BORCS5: variants seen among roughly 807,000 people sequenced by gnomAD.
BORCS5 encodes BLOC-1-related complex subunit 5.
BORCS5 carries 17 observed loss-of-function variants against 22.1 expected under a neutral mutation model. The ratio of observed to expected loss-of-function variants is 0.77; its 90% CI spans 0.53 to 1.15. The LOEUF (loss-of-function observed/expected upper bound fraction) is 1.15, where lower values mean the gene tolerates loss of function less well. BORCS5 is among the 50% of genes most tolerant of loss of function. The pLI is 0.00. For synonymous variants in BORCS5, 117 were observed against 99.8 expected (o/e 1.17, Z -1.03); for missense variants, 247 against 253.2 (o/e 0.98, Z 0.17).
intron 2 of BORCS5, among the ~76,000 whole-genome samples, chr12:12,393,677 GC>G: frequency 7.9e-6 from 1 of 126,780 alleles, no homozygotes; most frequent in African/African-American, 3.1e-5. Context: ...ACACCACCAT[GC>G]CTGCCTAAAT....
chr12:12,415,440 C>A (rs375375555), intron 2 of BORCS5, among the ~76,000 whole-genome samples: 2 of 150,660 alleles, frequency 1.3e-5, no homozygotes, highest in East Asian at 3.9e-4. Flanking sequence ...ATCGCAGGCA[C>A]TCGGCAGGCT....
intron 3 of BORCS5, among the ~76,000 whole-genome samples, chr12:12,440,564 T>A: frequency 6.6e-6 from 1 of 150,700 alleles, no homozygotes; most frequent in African/African-American, 2.5e-5. Context: ...GAGTTAAAGA[T>A]TGGGATATCC....
chr12:12,414,675 C>T (rs1941870909), intron 2 of BORCS5, among the ~76,000 whole-genome samples: 4 of 88,540 alleles, frequency 4.5e-5, no homozygotes, highest in Admixed American at 4.0e-4. Context: ...GGGCGGCTGG[C>T]CGGGCGGGGG....
At position 12,465,944 on chromosome 12, in the gene BORCS5, T is replaced by C; in HGVS notation, c.*168T>C. Reference sequence around the variant, plus strand: ...GAAAATCTGACTTTGCCCAGCTCTTTTCCTTGATGCAGTTTCCCGGTGTGG... The same window carrying C: ...GAAAATCTGACTTTGCCCAGCTCTTCTCCTTGATGCAGTTTCCCGGTGTGG... On this transcript the variant is annotated 3_prime_UTR_variant, in exon 4 of 4. Coordinates refer to ENST00000314565, the MANE Select transcript of BORCS5 (RefSeq NM_058169.6). 1.7e-6 allele frequency: 1 copy of C among 599,052 alleles called. No homozygotes were observed. The highest frequency in any genetic ancestry group is 2.9e-6 in the Non-Finnish European group (1 of 339,942). The allele number at this position is 599,052 out of a possible 1,614,324, so 37.1% of individuals were successfully genotyped here.
chr12:12,425,941 G>A (rs972086587), intron 2 of BORCS5, among the ~76,000 whole-genome samples: 4 of 152,252 alleles, frequency 2.6e-5, no homozygotes, highest in South Asian at 2.1e-4. Context: ...AAATTAACAC[G>A]AATTGTGTGC....
At chr12:12,450,927 A>T (rs968605792) in intron 3 of BORCS5, among the ~76,000 whole-genome samples, 1 of 152,256 alleles carries the variant, frequency 6.6e-6, no homozygotes, top group African/African-American at 2.4e-5. Context: ...ACTGTTATAC[A>T]TTATTTTATT....
intron 3 of BORCS5, among the ~76,000 whole-genome samples, chr12:12,444,863 C>T (rs1942752611): frequency 6.6e-6 from 1 of 152,186 alleles, no homozygotes; most frequent in Admixed American, 6.5e-5. Context: ...ATTTTGGCTT[C>T]CCAGCCACAT....
At chr12:12,418,273 C>T (rs752777113) in intron 2 of BORCS5, among the ~76,000 whole-genome samples, 23 of 150,884 alleles carry the variant, frequency 1.5e-4, no homozygotes, top group Non-Finnish European at 2.7e-4. Flanking sequence ...CTCCTGACCT[C>T]GTGATCTGCC....
chr12:12,395,901 T>C (rs1405533532), intron 2 of BORCS5, among the ~76,000 whole-genome samples: 1 of 151,932 alleles, frequency 6.6e-6, no homozygotes, highest in African/African-American at 2.4e-5. Flanking sequence ...GCAAATTGGG[T>C]GCCAGGAATA....
Position 12,357,450 on chromosome 12 carries a change from C to T in BORCS5, c.-2C>T, listed in dbSNP as rs972596795. 6.2e-7 allele frequency: 1 copy of T among 1,609,114 alleles called. No homozygotes were observed. The highest frequency in any genetic ancestry group is 1.3e-5 in the African/African-American group (1 of 74,776). ...TCTTCTGCTGCCACCGCTGTCGGCA[C>T]CATGGGCAGTGAGCAGAGCTCCGAG... On this transcript the variant is annotated 5_prime_UTR_variant, in exon 1 of 4. Coordinates refer to ENST00000314565, the MANE Select transcript of BORCS5 (RefSeq NM_058169.6).
chr12:12,373,080 AT>A (rs1293291926), intron 2 of BORCS5, among the ~76,000 whole-genome samples: 1 of 152,154 alleles, frequency 6.6e-6, no homozygotes, highest in Non-Finnish European at 1.5e-5. Context: ...TTGGGAAGTG[AT>A]TTGATCATGA....
chr12:12,401,725 T>C (rs961620051), intron 2 of BORCS5, among the ~76,000 whole-genome samples: 4 of 152,088 alleles, frequency 2.6e-5, no homozygotes, highest in Non-Finnish European at 2.9e-5. Context: ...TACTTAAAAT[T>C]CTATTGTGGC....
intron 2 of BORCS5, among the ~76,000 whole-genome samples, chr12:12,396,073 C>T (rs1050154864): frequency 3.9e-5 from 6 of 152,112 alleles, no homozygotes; most frequent in South Asian, 2.1e-4. Context: ...CGGCTCACTC[C>T]GCCCCCTGGG....
Position 12,412,139 on chromosome 12 carries a change from C to G in BORCS5, c.203-23489C>G, listed in dbSNP as rs1302876967. Among the ~76,000 whole-genome samples, 4 of 152,090 alleles carry G rather than the reference C, an allele frequency of 2.6e-5. No individual in the cohort carries two copies. The East Asian group carries it at 7.7e-4, about 29-fold the overall frequency. The stretch of plus-strand genomic sequence containing the variant: ...ATTCCATATGAATTTTTGGATGGAT[C>G]TTTCTATTTCTGAAAAAAAGTCACT... On this transcript the variant is annotated intron_variant, in intron 2 of 3. Transcript: ENST00000314565.
chr12:12,449,974 T>G (rs1479496317), intron 3 of BORCS5, among the ~76,000 whole-genome samples: 2 of 152,240 alleles, frequency 1.3e-5, no homozygotes, highest in East Asian at 3.8e-4. Flanking sequence ...GTCATTTGAT[T>G]TTTGACACTG....
intron 2 of BORCS5, among the ~76,000 whole-genome samples, chr12:12,415,853 G>A (rs1231710775): frequency 6.6e-6 from 1 of 152,042 alleles, no homozygotes; most frequent in Admixed American, 6.6e-5. Flanking sequence ...GATGAGTTAG[G>A]GAGTGTTTTC....
rs1328358745 is a variant in BORCS5, at chr12:12,438,371, AAAAAAAAAACG to A, written c.360+2592_360+2602del. Among the ~76,000 whole-genome samples the A allele has an allele frequency of 3.4e-5, 4 of 117,054 alleles. 1 individual carries two copies. Among genetic ancestry groups the A allele is most frequent in the African/African-American group, 1.8e-4 (4 of 22,344 alleles). 76.8% of individuals were successfully genotyped at this position (117,054 alleles called of 152,430 possible). On this transcript the variant is annotated intron_variant, in intron 3 of 3. Transcript: ENST00000314565. Reference sequence around the variant, plus strand: ...GCCAGATTTCATCTCAAAAAAAAAAAAAAAAAAAACGAAAAACAACAACAAAAACCTCTAAT... The same window carrying A: ...GCCAGATTTCATCTCAAAAAAAAAAAAAAAACAACAACAAAAACCTCTAAT...
intron 2 of BORCS5, among the ~76,000 whole-genome samples, chr12:12,392,156 G>C (rs1304338600): frequency 6.6e-6 from 1 of 150,942 alleles, no homozygotes; most frequent in African/African-American, 2.4e-5. Context: ...ATTATTTGTT[G>C]AGTCCCCAAT....
rs147290709 is a variant in BORCS5 at position 12,416,981 on chromosome 12, G to A, written c.203-18647G>A. 2.8e-3 allele frequency among the ~76,000 whole-genome samples: 420 copies of A among 150,936 alleles called. 2 individuals are homozygous for A. Among genetic ancestry groups the A allele is most frequent in the African/African-American group, 8.7e-3 (357 of 41,202 alleles). ...ATTTTTTTTTTTTTTAGTAGAGGTG[G>A]TGTTTCACCATGTTGGCCAGGCTGG... On this transcript the variant is annotated intron_variant, in intron 2 of 3. Coordinates refer to ENST00000314565, the MANE Select transcript of BORCS5 (RefSeq NM_058169.6).
Sources: allele counts gnomAD v4.1 joint callset (sites outside exome capture counted in the v4.1 genomes callset), GRCh38; gene constraint gnomAD v4.1.1; transcripts MANE v1.5; gene names NCBI Gene and HGNC (gene_info 2026-07-23, HGNC 2026-07-21).